ATAT1: variants seen among roughly 807,000 people sequenced by gnomAD.
ATAT1 encodes the protein alpha-tubulin N-acetyltransferase 1.
ATAT1 carries 42 observed loss-of-function variants against 57.2 expected under a neutral mutation model. The ratio of observed to expected loss-of-function variants is 0.73; its 90% confidence interval spans 0.57 to 0.95. The LOEUF (loss-of-function observed/expected upper bound fraction) is 0.95, where lower values mean the gene tolerates loss of function less well. Ranked by LOEUF, ATAT1 falls within the 40% of genes least tolerant of loss-of-function variation. The pLI is 0.00. For synonymous variants in ATAT1, 168 were observed against 187.1 expected (o/e 0.90, Z 0.83); for missense variants, 454 against 523.7 (o/e 0.87, Z 1.30).
At position 30,628,415 on chromosome 6, in the gene ATAT1, G is replaced by A. The variant is rs754293482; in HGVS notation, c.486G>A (p.Glu162=). 6.2e-7 allele frequency: 1 copy of A among 1,612,000 alleles called. No individual in the cohort carries two copies. The highest frequency in any genetic ancestry group is 1.7e-5 in the Admixed American group (1 of 60,016). Reference sequence around the variant, plus strand: ...TCCTGAATAAGCACTACAATCTGGAGACCACAGTCCCACAGGTTAGAGGTT... The same window carrying A: ...TCCTGAATAAGCACTACAATCTGGAAACCACAGTCCCACAGGTTAGAGGTT... Residue 162 remains glutamate, a synonymous_variant, in exon 6 of 13, where the codon GAG becomes GAA. Coordinates refer to ENST00000330083, the MANE Select transcript of ATAT1 (RefSeq NM_001031722.4).
At chr6:30,627,350 C>A in intron 1 of ATAT1, 110 bp from the exon 2 acceptor site, 1 of 1,606,654 alleles carries the variant, frequency 6.2e-7, no homozygotes, top group South Asian at 1.1e-5. Flanking sequence ...AGGCAGGGAG[C>A]CTTCAGTGTT....
intron 10 of ATAT1, chr6:30,644,629 G>A (rs1299913075): frequency 5.1e-6 from 5 of 984,882 alleles, no homozygotes; most frequent in Non-Finnish European, 4.8e-6. Context: ...GAAATCTTTT[G>A]TGTTTTCTAA....
chr6:30,640,015 C>T (rs1765072341), intron 6 of ATAT1, among the ~76,000 whole-genome samples: 2 of 151,898 alleles, frequency 1.3e-5, no homozygotes, highest in Admixed American at 6.6e-5. Context: ...GTGGCATGCA[C>T]CTGTGGTCCT....
rs796689061 is a variant in ATAT1 at position 30,643,115 on chromosome 6, G to A, written c.932+104G>A. On this transcript the variant is annotated intron_variant, in intron 10 of 12. Transcript: ENST00000330083. Reference sequence around the variant, plus strand: ...ATCAGAGAGATGGATCAATAAGATGGGTGGCTTGGGGGGGGTCCTGAAACC... The same window carrying A: ...ATCAGAGAGATGGATCAATAAGATGAGTGGCTTGGGGGGGGTCCTGAAACC... The A allele has an allele frequency of 2.4e-5, 36 of 1,513,470 alleles. No homozygotes were observed. In the African/African-American group the frequency reaches 4.9e-4, roughly 21 times the overall value. 93.8% of individuals were successfully genotyped at this position (1,513,470 alleles called of 1,614,324 possible). A position where few individuals can be genotyped will look rare whatever the true frequency, so the allele number is the denominator to read the frequency against.
chr6:30,628,296 T>C (rs1345953931), intron 5 of ATAT1, 33 bp from the exon 6 acceptor site: 2 of 1,599,598 alleles, frequency 1.3e-6, no homozygotes, highest in Non-Finnish European at 1.7e-6. Flanking sequence ...TTCCCCATAC[T>C]TCCTCCTACC....
At chr6:30,641,953 CTG>C (rs1765540052) in intron 8 of ATAT1, 3 of 1,386,498 alleles carry the variant, frequency 2.2e-6, no homozygotes, top group East Asian at 2.7e-5. Context: ...CTCCCTAGCT[CTG>C]TGTTTGGCCT....
chr6:30,635,189 T>TG (rs1763802096), intron 6 of ATAT1, among the ~76,000 whole-genome samples: 2 of 152,212 alleles, frequency 1.3e-5, no homozygotes, highest in Admixed American at 1.3e-4. Context: ...TGTGAAACAA[T>TG]ATTGTGCAAC....
intron 10 of ATAT1, chr6:30,643,381 G>A: frequency 6.8e-7 from 1 of 1,468,526 alleles, no homozygotes; most frequent in South Asian, 1.4e-5. Context: ...ACTGGCTTGT[G>A]TGCCAAGAGT....
chr6:30,635,872 A>T (rs1763966933), intron 6 of ATAT1, among the ~76,000 whole-genome samples: 1 of 152,200 alleles, frequency 6.6e-6, no homozygotes, highest in Admixed American at 6.6e-5. Flanking sequence ...TCCTGCTTTA[A>T]TGGGAATAGA....
intron 6 of ATAT1, among the ~76,000 whole-genome samples, chr6:30,631,240 T>G (rs2127494835): frequency 6.6e-6 from 1 of 152,138 alleles, no homozygotes; most frequent in South Asian, 2.1e-4. Flanking sequence ...TCCCAGCACT[T>G]TGGGAGGCCG....
Position 30,626,908 on chromosome 6 carries a change from A to G in ATAT1, c.-296A>G. On this transcript the variant is annotated 5_prime_UTR_variant, in exon 1 of 13. Transcript: ENST00000330083. ...GCCATGGAGTTCCCGTTCGATGTGG[A>G]CGCGCTGTTCCCGGAGCGGATCACG... is the stretch of plus-strand genomic sequence containing the variant. 6.2e-7 allele frequency: 1 copy of G among 1,608,918 alleles called. No individual in the cohort carries two copies. The highest frequency in any genetic ancestry group is 1.1e-5 in the South Asian group (1 of 90,248).
At chr6:30,640,835 T>C in intron 8 of ATAT1, 1 of 590,372 alleles carries the variant, frequency 1.7e-6, no homozygotes, top group Non-Finnish European at 3.0e-6. Flanking sequence ...CTGATATCAA[T>C]GGACCCTCTT....
chr6:30,640,139 C>CA (rs34579562), intron 6 of ATAT1, among the ~76,000 whole-genome samples: 3,223 of 124,570 alleles, frequency 0.026, 85 homozygotes, highest in East Asian at 0.12. Flanking sequence ...CTCTGCCTCT[C>CA]AAAAAAAAAA....
At chr6:30,642,048 C>T in intron 8 of ATAT1, 128 bp from the exon 9 acceptor site, 1 of 1,560,240 alleles carries the variant, frequency 6.4e-7, no homozygotes, top group Non-Finnish European at 8.7e-7. Flanking sequence ...GGTGCTGCTC[C>T]TGCAAGTTCT....
At chr6:30,630,986 T>C (rs532865835) in intron 6 of ATAT1, among the ~76,000 whole-genome samples, 10 of 150,612 alleles carry the variant, frequency 6.6e-5, no homozygotes, top group Admixed American at 3.3e-4. Flanking sequence ...CAAAAGTCCC[T>C]GTCTTAGTGG....
intron 6 of ATAT1, 134 bp downstream of exon 6, chr6:30,628,564 G>A (rs1762158926): frequency 4.1e-6 from 3 of 738,092 alleles, no homozygotes; most frequent in South Asian, 3.8e-5. Flanking sequence ...TCTTTCTCTT[G>A]TGGTACCATC....
At chr6:30,642,333 CG>C in intron 9 of ATAT1, 86 bp downstream of exon 9, 1 of 1,570,348 alleles carries the variant, frequency 6.4e-7, no homozygotes, top group South Asian at 1.1e-5. Context: ...GGAAAGGATT[CG>C]TTCTCTCTAA....
intron 10 of ATAT1, chr6:30,643,474 C>T: frequency 6.5e-7 from 1 of 1,548,318 alleles, no homozygotes; most frequent in Non-Finnish European, 8.7e-7. Context: ...TTTCTCTCCC[C>T]CGCCCCCCGC....
chr6:30,641,663 C>A, intron 8 of ATAT1: 1 of 478,300 alleles, frequency 2.1e-6, no homozygotes, highest in African/African-American at 2.1e-5. Context: ...TTTTTTTAAC[C>A]TAATAAAACT....
Sources: gnomAD v4.1 joint callset for allele counts (sites outside exome capture counted in the v4.1 genomes callset) on GRCh38, gnomAD v4.1.1 for gene constraint, MANE v1.5 for transcripts, NCBI Gene and HGNC (gene_info 2026-07-23, HGNC 2026-07-21) for gene names.